Variants in CEP128 observed in about 807,000 individuals in gnomAD.
The protein encoded by CEP128 is centrosomal protein 128.
A neutral mutation model predicts 156.7 loss-of-function variants in CEP128; 132 were observed. The ratio of observed to expected loss-of-function variants is 0.84; its 90% CI spans 0.73 to 0.97. CEP128 has a LOEUF of 0.97. CEP128 is among the 50% of genes least tolerant of loss of function. The pLI is 0.00. For synonymous variants in CEP128, 469 were observed against 448.9 expected, an observed-to-expected ratio of 1.04 and a Z score of -0.57; for missense variants, 1,252 against 1,281.9, an observed-to-expected ratio of 0.98 and a Z score of 0.36.
At chr14:80,818,381 C>T (rs1052308995) in intron 13 of CEP128, among the ~76,000 whole-genome samples, 18 of 152,214 alleles carry the variant, frequency 1.2e-4, no homozygotes, top group African/African-American at 3.9e-4. Context: ...AAGACATGCA[C>T]AGATCAACAA....
At chr14:80,725,522 C>T (rs1474096611) in intron 19 of CEP128, among the ~76,000 whole-genome samples, 2 of 152,066 alleles carry the variant, frequency 1.3e-5, no homozygotes, top group South Asian at 2.1e-4. Context: ...TCCACCTTTA[C>T]CTCTATTAAC....
At chr14:80,610,469 C>T (rs1031415108) in intron 19 of CEP128, among the ~76,000 whole-genome samples, 1 of 152,042 alleles carries the variant, frequency 6.6e-6, no homozygotes, top group African/African-American at 2.4e-5. Context: ...ATATTTTCAT[C>T]AATATTGAAC....
intron 19 of CEP128, among the ~76,000 whole-genome samples, chr14:80,669,104 A>G (rs1283798566): frequency 6.6e-6 from 1 of 152,218 alleles, no homozygotes; most frequent in Admixed American, 6.5e-5. Context: ...TCCATATGCA[A>G]AAGAGTGAAA....
At chr14:80,499,096 T>C (rs1488680516) in intron 24 of CEP128, among the ~76,000 whole-genome samples, 1 of 152,262 alleles carries the variant, frequency 6.6e-6, no homozygotes, top group East Asian at 1.9e-4. Context: ...TGCACTTTCA[T>C]AGAATTAAAT....
intron 19 of CEP128, among the ~76,000 whole-genome samples, chr14:80,607,548 T>A (rs1892835071): frequency 6.6e-6 from 1 of 152,172 alleles, no homozygotes; most frequent in Non-Finnish European, 1.5e-5. Flanking sequence ...TGCAAGTTCC[T>A]TCACCAAATT....
chr14:80,926,462 G>A (rs529638152), intron 2 of CEP128, among the ~76,000 whole-genome samples: 31 of 152,252 alleles, frequency 2.0e-4, no homozygotes, highest in Non-Finnish European at 4.0e-4. Context: ...CTGCGACCAG[G>A]GAACTGCCCT....
chr14:80,703,778 C>T (rs1485319935), intron 19 of CEP128, among the ~76,000 whole-genome samples: 2 of 151,958 alleles, frequency 1.3e-5, no homozygotes, highest in Non-Finnish European at 2.9e-5. Context: ...TTTTTACCCA[C>T]ACTTGTGTGT....
Position 80,831,311 on chromosome 14 carries a change from T to A in CEP128, c.1058-17A>T. ...GCTCAACCCCTTAAAAGATAAAATG[T>A]AAGGCTCAAGGGTTGTTCTTTATTC... is the stretch of plus-strand genomic sequence containing the variant. On this transcript the variant is annotated splice_polypyrimidine_tract_variant and intron_variant, in intron 12 of 24. Coordinates refer to ENST00000555265, the MANE Select transcript of CEP128 (RefSeq NM_152446.5). 1 of 1,613,510 alleles carries A rather than the reference T, an allele frequency of 6.2e-7. No individual in the cohort carries two copies. The highest frequency in any genetic ancestry group is 1.1e-5 in the South Asian group (1 of 91,046).
rs142354916 is a variant in CEP128 at position 80,522,670 on chromosome 14, C to G, written c.3072+4199G>C. Among the ~76,000 whole-genome samples, 20 of 152,278 alleles carry G rather than the reference C, an allele frequency of 1.3e-4. 1 individual carries two copies. In the East Asian group the frequency reaches 3.9e-3, roughly 29 times the overall value. On this transcript the variant is annotated intron_variant, in intron 23 of 24. Transcript: ENST00000555265. ...ATAAATGGGGATGTCTTGGACAAAA[C>G]CATGCTCCTCTGTGAATTCAAATTA...
Position 80,848,582 on chromosome 14 carries a change from C to T in CEP128, c.763-7814G>A, listed in dbSNP as rs1886726012. Among the ~76,000 whole-genome samples the T allele has an allele frequency of 2.6e-5, 4 of 151,722 alleles. No homozygotes were observed. In the South Asian group the frequency reaches 6.2e-4, roughly 24 times the overall value. ...AGGCTGAGGCAGAGAATCGCTTGAACCTGGGAGTCAGAGGCTGCAGTGAGC... is the reference window on the plus strand; with the variant it reads ...AGGCTGAGGCAGAGAATCGCTTGAATCTGGGAGTCAGAGGCTGCAGTGAGC... On this transcript the variant is annotated intron_variant, in intron 9 of 24. Coordinates refer to ENST00000555265, the MANE Select transcript of CEP128 (RefSeq NM_152446.5).
At chr14:80,499,295 TA>T (rs973591001) in intron 24 of CEP128, among the ~76,000 whole-genome samples, 19 of 152,330 alleles carry the variant, frequency 1.2e-4, no homozygotes, top group African/African-American at 4.3e-4. Flanking sequence ...TTGCTGTGGA[TA>T]AATTATTTTT....
chr14:80,955,480 C>G lies in CEP128; in HGVS notation c.-172+2698G>C, dbSNP rs1355658691. ...GCAGACTTGTTTGGGTCAAGGTTGC[C>G]TAGGGAAGCGGAGCACTTAAGTGCC... On this transcript the variant is annotated intron_variant, in intron 2 of 7. Coordinates refer to the CEP128 transcript ENST00000555529. The G allele has an allele frequency of 4.6e-6, 3 of 648,930 alleles. No individual in the cohort carries two copies. The African/African-American group carries it at 5.4e-5, about 12-fold the overall frequency. The allele number at this position is 648,930 out of a possible 1,614,324, so 40.2% of individuals were successfully genotyped here.
At chr14:80,505,660 T>C (rs1188158258) in intron 23 of CEP128, among the ~76,000 whole-genome samples, 1 of 152,208 alleles carries the variant, frequency 6.6e-6, no homozygotes, top group Non-Finnish European at 1.5e-5. Flanking sequence ...CTTCTCCTCA[T>C]GTATTATATG....
chr14:80,686,458 G>A (rs1230643191), intron 19 of CEP128, among the ~76,000 whole-genome samples: 1 of 152,070 alleles, frequency 6.6e-6, no homozygotes, highest in African/African-American at 2.4e-5. Flanking sequence ...ACCATTACCA[G>A]TCACTACAAA....
intron 24 of CEP128, among the ~76,000 whole-genome samples, chr14:80,502,092 G>A (rs114373394): frequency 1.4e-4 from 21 of 152,274 alleles, no homozygotes; most frequent in African/African-American, 5.1e-4. Flanking sequence ...GCTGCTCTGG[G>A]CACACTGCCT....
chr14:80,744,646 T>A (rs1224625722), intron 18 of CEP128, among the ~76,000 whole-genome samples: 1 of 152,170 alleles, frequency 6.6e-6, no homozygotes, highest in Non-Finnish European at 1.5e-5. Flanking sequence ...GCTCCACTCC[T>A]CATTTCAGAA....
chr14:80,690,788 C>T (rs1321024611), intron 19 of CEP128, among the ~76,000 whole-genome samples: 1 of 152,100 alleles, frequency 6.6e-6, no homozygotes, highest in East Asian at 1.9e-4. Flanking sequence ...AACTTTGGAA[C>T]TCAAAATCAT....
intron 23 of CEP128, among the ~76,000 whole-genome samples, chr14:80,513,335 C>T (rs1302446389): frequency 6.6e-6 from 1 of 152,156 alleles, no homozygotes; most frequent in African/African-American, 2.4e-5. Flanking sequence ...GAAAAGTCTG[C>T]TGACAGATGT....
At position 80,902,780 on chromosome 14, in the gene CEP128, T is replaced by G. The variant is rs374275448; in HGVS notation, c.480+2033A>C. ...AATGGTAGAAAAATCAGTAGATCAATCACACAAAGATTAACTTGTTCATAC... is the reference window on the plus strand; with the variant it reads ...AATGGTAGAAAAATCAGTAGATCAAGCACACAAAGATTAACTTGTTCATAC... On this transcript the variant is annotated intron_variant, in intron 6 of 24. Transcript: ENST00000555265. 5.3e-5 allele frequency among the ~76,000 whole-genome samples: 8 copies of G among 152,190 alleles called. No homozygotes were observed. In the East Asian group the frequency reaches 1.5e-3, roughly 29 times the overall value.
Sources: gnomAD v4.1 joint callset for allele counts (sites outside exome capture counted in the v4.1 genomes callset) on GRCh38, gnomAD v4.1.1 for gene constraint, MANE v1.5 for transcripts, NCBI Gene and HGNC (gene_info 2026-07-23, HGNC 2026-07-21) for gene names.